Variants in EHBP1 observed in about 807,000 individuals in gnomAD.
EHBP1 encodes the protein EH domain-binding protein 1.
EHBP1 carries 55 observed loss-of-function variants against 144.0 expected under a neutral mutation model. That is an observed-to-expected ratio of 0.38 (90% confidence interval 0.31 to 0.48). The LOEUF is 0.48. Ranked by LOEUF, EHBP1 falls within the 20% of genes least tolerant of loss-of-function variation. The pLI is 0.98. For missense variants in EHBP1, 1,200 were observed against 1,364.2 expected, an observed-to-expected ratio of 0.88 and a Z score of 1.90; for synonymous variants, 469 against 472.7, an observed-to-expected ratio of 0.99 and a Z score of 0.10.
At chr2:63,006,883 T>C (rs1299874980) in intron 19 of EHBP1, among the ~76,000 whole-genome samples, 5 of 151,862 alleles carry the variant, frequency 3.3e-5, no homozygotes, top group African/African-American at 9.7e-5. Context: ...TTAAATATTA[T>C]GTCTGTTCAT....
In EHBP1 at chr2:62,958,393, C is replaced by CA. The variant is rs1186143260; in HGVS notation, c.2460+2734dup. On this transcript the variant is annotated intron_variant, in intron 14 of 22. Transcript: ENST00000431489. ...AATATTACCCAGCAATACAAAGGAA[C>CA]AGGACACTGAGATGCACAATAATGT... 2.6e-5 allele frequency among the ~76,000 whole-genome samples: 4 copies of CA among 152,192 alleles called. No individual in the cohort carries two copies. In the East Asian group the frequency reaches 7.7e-4, roughly 29 times the overall value.
chr2:62,845,753 A>G (rs1482913925), intron 7 of EHBP1, among the ~76,000 whole-genome samples: 3 of 151,914 alleles, frequency 2.0e-5, no homozygotes, highest in South Asian at 4.2e-4. Context: ...AGTCCCAGCT[A>G]CTTGGAGGTT....
At chr2:62,779,273 C>T (rs1249653344) in intron 5 of EHBP1, among the ~76,000 whole-genome samples, 4 of 152,196 alleles carry the variant, frequency 2.6e-5, no homozygotes, top group African/African-American at 4.8e-5. Context: ...GCATACTCCA[C>T]TTTTTGTTCT....
chr2:62,718,881 A>T (rs2035939184), intron 2 of EHBP1, among the ~76,000 whole-genome samples: 1 of 152,202 alleles, frequency 6.6e-6, no homozygotes, highest in Non-Finnish European at 1.5e-5. Flanking sequence ...ACAAATATTT[A>T]AACAGGTTCA....
intron 5 of EHBP1, among the ~76,000 whole-genome samples, chr2:62,793,052 T>G (rs2043273228): frequency 1.3e-5 from 2 of 152,110 alleles, no homozygotes; most frequent in Non-Finnish European, 2.9e-5. Flanking sequence ...ATAAATTGAT[T>G]TTAATTTAGC....
intron 7 of EHBP1, among the ~76,000 whole-genome samples, chr2:62,849,565 A>G (rs1015270020): frequency 1.3e-5 from 2 of 152,238 alleles, no homozygotes; most frequent in Non-Finnish European, 2.9e-5. Context: ...ATGAAACATT[A>G]TAGATACATG....
At chr2:62,993,792 G>A (rs1191323990) in intron 17 of EHBP1, 79 bp from the exon 18 acceptor site, 16 of 1,112,156 alleles carry the variant, frequency 1.4e-5, no homozygotes, top group African/African-American at 8.4e-5. Flanking sequence ...ATATAATCTG[G>A]TAATGTAAAT....
At position 62,726,246 on chromosome 2, in the gene EHBP1, A is replaced by T. The variant is rs567898986; in HGVS notation, c.104+18951A>T. Among the ~76,000 whole-genome samples the T allele has an allele frequency of 5.3e-5, 8 of 152,246 alleles. No individual in the cohort carries two copies. In the South Asian group the frequency reaches 1.7e-3, roughly 32 times the overall value. ...CTAAGCAGCTCTCCCTGCCAACTCG[A>T]GTGTCCATTGTGGTGGAGGAGTCTC... On this transcript the variant is annotated intron_variant, in intron 2 of 22. Transcript: ENST00000431489.
intron 5 of EHBP1, among the ~76,000 whole-genome samples, chr2:62,773,957 G>A (rs2041877255): frequency 6.6e-6 from 1 of 150,472 alleles, no homozygotes; most frequent in South Asian, 2.1e-4. Context: ...AGACCCTAGA[G>A]GCAGTAAAAC....
chr2:62,759,794 T>C (rs926413494), intron 3 of EHBP1, among the ~76,000 whole-genome samples: 1 of 152,240 alleles, frequency 6.6e-6, no homozygotes, highest in African/African-American at 2.4e-5. Context: ...ACCATAACTC[T>C]TTCTAGTTAC....
Position 62,979,296 on chromosome 2 carries a change from G to C in EHBP1, c.2569G>C (p.Ala857Pro), listed in dbSNP as rs754583745. ...AGAACTTCCCAGCTATGGTGAAATG[G>C]CTGCAGAAAAGTTGAAAGAAAGGTC... Reference protein sequence around the residue: ...MSELPSYGEMAAEKLKERSKA... With the variant: ...MSELPSYGEMPAEKLKERSKA... The change falls in exon 15 of 23, where the codon GCT (alanine) becomes CCT (proline). Residue 857 changes from alanine to proline, a missense_variant. Transcript: ENST00000431489. 1.9e-5 allele frequency: 30 copies of C among 1,613,760 alleles called. No individual in the cohort carries two copies. The highest frequency in any genetic ancestry group is 6.7e-5 in the Admixed American group (4 of 59,996).
chr2:63,004,704 A>G (rs1409703165), intron 19 of EHBP1, among the ~76,000 whole-genome samples: 1 of 152,080 alleles, frequency 6.6e-6, no homozygotes, highest in African/African-American at 2.4e-5. Context: ...ATACAGCTCC[A>G]ATTACTTTTC....
chr2:63,010,953 T>C (rs1406357197), intron 19 of EHBP1, among the ~76,000 whole-genome samples: 1 of 151,642 alleles, frequency 6.6e-6, no homozygotes, highest in East Asian at 1.9e-4. Context: ...TGTATTTACA[T>C]AGGAATAAAT....
intron 1 of EHBP1, among the ~76,000 whole-genome samples, chr2:62,692,689 A>AC (rs2033946522): frequency 3.9e-5 from 6 of 152,260 alleles, no homozygotes; most frequent in South Asian, 2.1e-4. Flanking sequence ...TCTTCAGATA[A>AC]ATGTCAATTT....
intron 2 of EHBP1, among the ~76,000 whole-genome samples, chr2:62,711,485 C>T (rs1423343113): frequency 7.9e-5 from 12 of 152,096 alleles, no homozygotes; most frequent in Non-Finnish European, 1.3e-4. Context: ...GTTTGCTTTT[C>T]GTTTGGGACA....
chr2:62,731,509 A>G (rs949769609), intron 2 of EHBP1, among the ~76,000 whole-genome samples: 4 of 152,044 alleles, frequency 2.6e-5, no homozygotes, highest in African/African-American at 9.7e-5. Context: ...CTAGTTTTTC[A>G]CTGTTAAGTA....
At chr2:62,751,508 T>C (rs2152216632) in intron 3 of EHBP1, among the ~76,000 whole-genome samples, 2 of 152,342 alleles carry the variant, frequency 1.3e-5, no homozygotes, top group Middle Eastern at 3.4e-3. Flanking sequence ...TAAAGTGAGT[T>C]AGGGAGGATT....
At position 62,943,791 on chromosome 2, in the gene EHBP1, T is replaced by G; in HGVS notation, c.1365-11T>G. ...TACTATATGTACCCACTGTGCTATT[T>G]TCTCCCTCAGTGACTACAAGTCTCT... On this transcript the variant is annotated splice_polypyrimidine_tract_variant and intron_variant, in intron 11 of 22. Transcript: ENST00000431489. The G allele has an allele frequency of 6.3e-7, 1 of 1,587,846 alleles. No homozygotes were observed. The highest frequency in any genetic ancestry group is 8.6e-7 in the Non-Finnish European group (1 of 1,162,680).
chr2:62,757,298 G>GT (rs761007520), intron 3 of EHBP1, among the ~76,000 whole-genome samples: 4 of 151,196 alleles, frequency 2.6e-5, no homozygotes, highest in East Asian at 2.0e-4. Context: ...CTAATTTTTT[G>GT]TTTTTTTGTA....
Sources: allele counts gnomAD v4.1 joint callset (sites outside exome capture counted in the v4.1 genomes callset), GRCh38; gene constraint gnomAD v4.1.1; transcripts MANE v1.5; gene names NCBI Gene and HGNC (gene_info 2026-07-23, HGNC 2026-07-21).